CUX1: variants seen among roughly 807,000 people sequenced by gnomAD.
CUX1 encodes the protein protein CASP.
In CUX1, 31 loss-of-function variants were observed where a neutral mutation model predicts 158.8. That is an observed-to-expected ratio of 0.20 (90% CI 0.15 to 0.26). CUX1 has a LOEUF of 0.26. Ranked by LOEUF, CUX1 falls within the 10% of genes least tolerant of loss-of-function variation. The pLI, the probability that CUX1 is intolerant of heterozygous loss-of-function variation, is 1.00. For missense variants in CUX1, 1,589 were observed against 2,014.6 expected, an observed-to-expected ratio of 0.79 and a Z score of 4.04; for synonymous variants, 879 against 862.1, an observed-to-expected ratio of 1.02 and a Z score of -0.34.
intron 20 of CUX1, among the ~76,000 whole-genome samples, chr7:102,219,055 A>AAAACACACACACACACAC (rs1335700833): frequency 7.9e-6 from 1 of 126,248 alleles, no homozygotes; most frequent in Non-Finnish European, 1.6e-5. Context: ...CCTGCCTCAA[A>AAAACACACACACACACAC]ACACACACAC....
At position 101,823,149 on chromosome 7, in the gene CUX1, G is replaced by A. The variant is rs944824883; in HGVS notation, c.30+5480G>A. ...TGTGTTGATTAGAGCCTCGGGCCAT[G>A]GGAAGTGCAGGTACTGTGGCCACAA... On this transcript the variant is annotated intron_variant, in intron 1 of 23. Transcript: ENST00000292535. Among the ~76,000 whole-genome samples, 36 of 152,142 alleles carry A rather than the reference G, an allele frequency of 2.4e-4. 1 individual carries two copies. The highest frequency in any genetic ancestry group is 9.2e-4 in the Admixed American group (14 of 15,270).
Position 102,254,270 on chromosome 7 carries a change from G to A in CUX1, c.*5228G>A. ...CTGCTCAGCTGTTAAGATCCATCATGGCCATTATCCTTGTCCCGGACTGCC... is the reference window on the plus strand; with the variant it reads ...CTGCTCAGCTGTTAAGATCCATCATAGCCATTATCCTTGTCCCGGACTGCC... On this transcript the variant is annotated 3_prime_UTR_variant, in exon 24 of 24. Transcript: ENST00000292535. The A allele has an allele frequency of 3.0e-6, 3 of 985,416 alleles. No individual in the cohort carries two copies. The highest frequency in any genetic ancestry group is 9.4e-5 in the South Asian group (2 of 21,258). The allele number at this position is 985,416 out of a possible 1,614,324, so 61.0% of individuals were successfully genotyped here.
At chr7:102,281,180 C>T (rs1256847154) in intron 20 of CUX1, among the ~76,000 whole-genome samples, 1 of 152,138 alleles carries the variant, frequency 6.6e-6, no homozygotes, top group Non-Finnish European at 1.5e-5. Context: ...CGAGACCAGC[C>T]TGGGCAACAC....
At chr7:102,177,997 A>AT (rs1554512502) in intron 10 of CUX1, among the ~76,000 whole-genome samples, 2 of 151,872 alleles carry the variant, frequency 1.3e-5, no homozygotes. Flanking sequence ...AGTTCAAGTG[A>AT]TTCTCCTCCT....
intron 2 of CUX1, among the ~76,000 whole-genome samples, chr7:101,941,102 C>T (rs1181549490): frequency 2.6e-5 from 4 of 152,220 alleles, no homozygotes; most frequent in Non-Finnish European, 5.9e-5. Flanking sequence ...CATGTTGTCG[C>T]CAATCTGAGC....
intron 2 of CUX1, among the ~76,000 whole-genome samples, chr7:101,972,843 A>G (rs1812138698): frequency 6.6e-6 from 1 of 152,208 alleles, no homozygotes; most frequent in African/African-American, 2.4e-5. Context: ...CAACAGACAC[A>G]GCCCTTCTTG....
intron 1 of CUX1, among the ~76,000 whole-genome samples, chr7:101,858,302 TTGG>T (rs1043175123): frequency 2.0e-5 from 3 of 152,032 alleles, no homozygotes; most frequent in Non-Finnish European, 4.4e-5. Context: ...GGTTTTGGGG[TTGG>T]TGGTGGGGAT....
At chr7:101,879,405 C>T (rs1400673856) in intron 1 of CUX1, among the ~76,000 whole-genome samples, 1 of 152,208 alleles carries the variant, frequency 6.6e-6, no homozygotes, top group Non-Finnish European at 1.5e-5. Flanking sequence ...TCCCTCTCTT[C>T]TATTTTAGTT....
At chr7:102,119,151 G>A (rs1292203806) in intron 8 of CUX1, among the ~76,000 whole-genome samples, 1 of 152,220 alleles carries the variant, frequency 6.6e-6, no homozygotes, top group East Asian at 1.9e-4. Context: ...GCTATTCCCA[G>A]CAAGCTCAGA....
At chr7:101,820,701 T>G (rs140266484) in intron 1 of CUX1, among the ~76,000 whole-genome samples, 1 of 152,368 alleles carries the variant, frequency 6.6e-6, no homozygotes, top group Non-Finnish European at 1.5e-5. Context: ...TGCCTCCGAT[T>G]GTTTAAACCA....
intron 4 of CUX1, among the ~76,000 whole-genome samples, chr7:102,092,422 C>A (rs376036201): frequency 6.6e-6 from 1 of 152,206 alleles, no homozygotes; most frequent in East Asian, 1.9e-4. Context: ...GAGGCCTTCC[C>A]TGTCCCCTTG....
At chr7:102,159,767 A>G (rs1790230932) in intron 9 of CUX1, among the ~76,000 whole-genome samples, 1 of 152,212 alleles carries the variant, frequency 6.6e-6, no homozygotes, top group Non-Finnish European at 1.5e-5. Flanking sequence ...AGGCTGAGGC[A>G]GGAGAATCAC....
At chr7:101,958,828 A>G (rs1169000717) in intron 2 of CUX1, among the ~76,000 whole-genome samples, 1 of 145,872 alleles carries the variant, frequency 6.9e-6, no homozygotes, top group Non-Finnish European at 1.5e-5. Context: ...CTTTTCTGTC[A>G]TAAGGAGATG....
At chr7:102,139,655 A>G (rs1834241359) in intron 8 of CUX1, among the ~76,000 whole-genome samples, 1 of 152,098 alleles carries the variant, frequency 6.6e-6, no homozygotes, top group Admixed American at 6.6e-5. Flanking sequence ...ACTTTCCAAA[A>G]TGAATTTTTT....
chr7:102,033,903 T>C (rs1342018906), intron 3 of CUX1, among the ~76,000 whole-genome samples: 1 of 152,030 alleles, frequency 6.6e-6, no homozygotes, highest in Non-Finnish European at 1.5e-5. Context: ...CTCAGCACTT[T>C]GGGAGGCTGA....
chr7:102,086,641 G>T (rs955250387), intron 4 of CUX1, among the ~76,000 whole-genome samples: 1 of 151,184 alleles, frequency 6.6e-6, no homozygotes, highest in African/African-American at 2.4e-5. Flanking sequence ...ACAGAGTCTC[G>T]CTCTGTCGCC....
chr7:101,980,003 GTGAGTA>G lies in CUX1; in HGVS notation c.142-48088_142-48083del, dbSNP rs111262684. ...ATTCAGGAACTTTGTTTCCAGCGCT[GTGAGTA>G]TGAGTACAGGCCCAGGGCTGGGTGA... On this transcript the variant is annotated intron_variant, in intron 2 of 23. Coordinates refer to ENST00000292535, the MANE Select transcript of CUX1 (RefSeq NM_181552.4). Among the ~76,000 whole-genome samples, 10 of 152,298 alleles carry G rather than the reference GTGAGTA, an allele frequency of 6.6e-5. 1 individual carries two copies. Among genetic ancestry groups the G allele is most frequent in the African/African-American group, 2.4e-4 (10 of 41,566 alleles).
chr7:101,924,904 C>G (rs1436308824), intron 2 of CUX1, among the ~76,000 whole-genome samples: 1 of 152,034 alleles, frequency 6.6e-6, no homozygotes, highest in African/African-American at 2.4e-5. Flanking sequence ...GAAACAGCAT[C>G]CAGGCATCAT....
rs1381141670 is a variant in CUX1, at chr7:102,251,423, C to CAA, written c.*2381_*2382insAA. On this transcript the variant is annotated 3_prime_UTR_variant, in exon 24 of 24. Coordinates refer to ENST00000292535, the MANE Select transcript of CUX1 (RefSeq NM_181552.4). ...ACCTGCAGCTGCAGCACTTAGTTCA[C>CAA]GTTTTCACAAATTTCAAGAGTCACT... 2.0e-6 allele frequency: 2 copies of CAA among 985,198 alleles called. No homozygotes were observed. Among genetic ancestry groups the CAA allele is most frequent in the Non-Finnish European group, 2.4e-6 (2 of 829,906 alleles). 61.0% of individuals were successfully genotyped at this position (985,198 alleles called of 1,614,324 possible). A position where few individuals can be genotyped will look rare whatever the true frequency, so the allele number is the denominator to read the frequency against.
Sources: allele counts gnomAD v4.1 joint callset (sites outside exome capture counted in the v4.1 genomes callset), GRCh38; gene constraint gnomAD v4.1.1; transcripts MANE v1.5; gene names NCBI Gene and HGNC (gene_info 2026-07-23, HGNC 2026-07-21).